CREB5: variants seen among roughly 807,000 people sequenced by gnomAD.
The protein encoded by CREB5 is cyclic AMP-responsive element-binding protein 5.
In CREB5, 19 loss-of-function variants were observed where a neutral mutation model predicts 57.1. The ratio of observed to expected loss-of-function variants is 0.33; its 90% CI spans 0.23 to 0.49. The LOEUF (loss-of-function observed/expected upper bound fraction) is 0.49, where lower values mean the gene tolerates loss of function less well. Among genes scored for constraint, CREB5 ranks in the 20% least tolerant of loss-of-function variants. The pLI, the probability that CREB5 is intolerant of heterozygous loss-of-function variation, is 0.99. For synonymous variants in CREB5, 238 were observed against 238.3 expected, an observed-to-expected ratio of 1.00 and a Z score of 0.01; for missense variants, 579 against 671.6, an observed-to-expected ratio of 0.86 and a Z score of 1.52.
chr7:28,496,428 TATCACTGTTATCAATA>T (rs1792050355), intron 3 of CREB5, among the ~76,000 whole-genome samples: 1 of 152,234 alleles, frequency 6.6e-6, no homozygotes, highest in Admixed American at 6.5e-5. Context: ...ATGTGCAGGC[TATCACTGTTATCAATA>T]ATCCTCTAAG....
intron 5 of CREB5, among the ~76,000 whole-genome samples, chr7:28,637,657 G>A (rs1798477125): frequency 6.6e-6 from 1 of 152,152 alleles, no homozygotes; most frequent in Non-Finnish European, 1.5e-5. Context: ...CAAACTATTT[G>A]CACAGAAGAA....
At chr7:28,582,724 G>A (rs547029053) in intron 5 of CREB5, among the ~76,000 whole-genome samples, 1 of 152,260 alleles carries the variant, frequency 6.6e-6, no homozygotes, top group South Asian at 2.1e-4. Flanking sequence ...TAATTGTACT[G>A]AAATTAGACG....
intron 7 of CREB5, among the ~76,000 whole-genome samples, chr7:28,752,444 G>A (rs1379733921): frequency 1.3e-5 from 2 of 152,218 alleles, no homozygotes; most frequent in Non-Finnish European, 2.9e-5. Context: ...TGGGATTACA[G>A]GCATGAGCCA....
Position 28,534,262 on chromosome 7 carries a change from A to C in CREB5, c.291+26525A>C, listed in dbSNP as rs140654484. 6.6e-3 allele frequency among the ~76,000 whole-genome samples: 1,011 copies of C among 152,314 alleles called. 4 individuals are homozygous for C. The highest frequency in any genetic ancestry group is 0.024 in the Middle Eastern group (7 of 292). On this transcript the variant is annotated intron_variant, in intron 4 of 10. Transcript: ENST00000357727. ...CTTTCAGAGATTACTCTGTGTGCTGAAAAACAAGGAAGTCTTTATTGAGTA... is the reference window on the plus strand; with the variant it reads ...CTTTCAGAGATTACTCTGTGTGCTGCAAAACAAGGAAGTCTTTATTGAGTA...
chr7:28,316,837 T>C (rs1461259143), intron 1 of CREB5, among the ~76,000 whole-genome samples: 1 of 152,072 alleles, frequency 6.6e-6, no homozygotes, highest in African/African-American at 2.4e-5. Flanking sequence ...ATATGGTACA[T>C]GGCAGCTGGG....
At chr7:28,810,647 G>T (rs1487963875) in intron 9 of CREB5, among the ~76,000 whole-genome samples, 3 of 152,166 alleles carry the variant, frequency 2.0e-5, no homozygotes, top group African/African-American at 7.2e-5. Context: ...AGTGAGCCAA[G>T]ATCGCACCAC....
intron 4 of CREB5, among the ~76,000 whole-genome samples, chr7:28,516,697 T>C (rs962016581): frequency 3.9e-5 from 6 of 152,230 alleles, no homozygotes; most frequent in Non-Finnish European, 5.9e-5. Context: ...AAGGTAGCTT[T>C]TCCCAGCAGG....
chr7:28,567,277 C>G (rs576833418), intron 4 of CREB5, among the ~76,000 whole-genome samples: 1 of 152,156 alleles, frequency 6.6e-6, no homozygotes, highest in Non-Finnish European at 1.5e-5. Flanking sequence ...ATAACTGAAC[C>G]GTAATTTAAC....
intron 5 of CREB5, among the ~76,000 whole-genome samples, chr7:28,585,692 G>C (rs1045608358): frequency 4.6e-5 from 7 of 152,076 alleles, no homozygotes; most frequent in African/African-American, 4.8e-5. Flanking sequence ...AATGCTCCGA[G>C]AAATCCAATA....
intron 1 of CREB5, among the ~76,000 whole-genome samples, chr7:28,439,691 C>T (rs946986981): frequency 1.3e-5 from 2 of 152,188 alleles, no homozygotes; most frequent in African/African-American, 4.8e-5. Context: ...TGCCACACTG[C>T]CTATCTCCTA....
chr7:28,303,869 A>G (rs1390461376), intron 1 of CREB5, among the ~76,000 whole-genome samples: 4 of 152,246 alleles, frequency 2.6e-5, no homozygotes, highest in Non-Finnish European at 4.4e-5. Flanking sequence ...ATTTAAATAT[A>G]TGCAAAGAAA....
chr7:28,529,889 T>C (rs1283633768), intron 4 of CREB5, among the ~76,000 whole-genome samples: 3 of 152,228 alleles, frequency 2.0e-5, no homozygotes, highest in Non-Finnish European at 4.4e-5. Context: ...GTGAGGCTAT[T>C]TGGGACACCT....
At chr7:28,607,477 A>G (rs1583408730) in intron 5 of CREB5, among the ~76,000 whole-genome samples, 1 of 152,210 alleles carries the variant, frequency 6.6e-6, no homozygotes, top group Admixed American at 6.5e-5. Context: ...GATCCAATCC[A>G]TAATAACAAG....
chr7:28,629,336 C>A lies in CREB5; in HGVS notation c.464+58799C>A, dbSNP rs114394410. Among the ~76,000 whole-genome samples the A allele has an allele frequency of 8.9e-3, 1,352 of 152,340 alleles. 21 individuals carry two copies. Among genetic ancestry groups the A allele is most frequent in the African/African-American group, 0.029 (1,213 of 41,572 alleles). On this transcript the variant is annotated intron_variant, in intron 5 of 10. Coordinates refer to ENST00000357727, the MANE Select transcript of CREB5 (RefSeq NM_182898.4). ...ACCCAGTCCTCCTTCCACCTCCTCC[C>A]TTTCCTTGGAGAGTTGTCCTGGAAT...
intron 5 of CREB5, among the ~76,000 whole-genome samples, chr7:28,712,715 G>T (rs1477847208): frequency 6.6e-6 from 1 of 151,444 alleles, no homozygotes; most frequent in African/African-American, 2.4e-5. Context: ...TGTATTTTTA[G>T]CAGAGATGGG....
intron 1 of CREB5, among the ~76,000 whole-genome samples, chr7:28,320,019 C>T (rs1785464816): frequency 1.3e-5 from 2 of 152,098 alleles, no homozygotes; most frequent in Non-Finnish European, 2.9e-5. Flanking sequence ...CAACCTCTGC[C>T]TCCTGGGGTC....
chr7:28,335,485 CT>C (rs1293477888), intron 1 of CREB5, among the ~76,000 whole-genome samples: 4 of 151,844 alleles, frequency 2.6e-5, no homozygotes, highest in Admixed American at 6.6e-5. Context: ...TTTTAAATTT[CT>C]TTTTTTCAGA....
At position 28,659,540 on chromosome 7, in the gene CREB5, T is replaced by G. The variant is rs193031657; in HGVS notation, c.465-59213T>G. 7.5e-3 allele frequency among the ~76,000 whole-genome samples: 1,148 copies of G among 152,318 alleles called. 46 individuals are homozygous for G. Among genetic ancestry groups the G allele is most frequent in the Admixed American group, 0.061 (939 of 15,302 alleles). ...ATTATTGTTAATCCTCATGGTATCC[T>G]TTGGCAGAAGGAGCTGGAAAACAAG... On this transcript the variant is annotated intron_variant, in intron 5 of 10. Transcript: ENST00000357727.
intron 5 of CREB5, among the ~76,000 whole-genome samples, chr7:28,593,050 A>G (rs1003064616): frequency 6.6e-6 from 1 of 152,184 alleles, no homozygotes; most frequent in Admixed American, 6.5e-5. Flanking sequence ...AACCACTCAA[A>G]GATAAATCCA....
Sources: gnomAD v4.1 joint callset for allele counts (sites outside exome capture counted in the v4.1 genomes callset) on GRCh38, gnomAD v4.1.1 for gene constraint, MANE v1.5 for transcripts, NCBI Gene and HGNC (gene_info 2026-07-23, HGNC 2026-07-21) for gene names.